The following RBFOX1 variants were observed in gnomAD, a reference collection of about 807,000 sequenced individuals.
RBFOX1 encodes RNA binding fox-1 homolog 1.
RBFOX1 carries 8 observed loss-of-function variants against 57.7 expected under a neutral mutation model. That is an observed-to-expected ratio of 0.14 (90% CI 0.08 to 0.25). The LOEUF (loss-of-function observed/expected upper bound fraction) is 0.25, where lower values mean the gene tolerates loss of function less well. RBFOX1 is among the 10% of genes least tolerant of loss of function. The probability of loss-of-function intolerance (pLI) is 1.00; values close to 1 mark genes in which losing one functional copy is unlikely to be tolerated. For missense variants in RBFOX1, 611 were observed against 548.5 expected, an observed-to-expected ratio of 1.11 and a Z score of -1.14; for synonymous variants, 326 against 222.4, an observed-to-expected ratio of 1.47 and a Z score of -4.15.
At position 6,084,795 on chromosome 16, in the gene RBFOX1, C is replaced by T. The variant is rs536060159; in HGVS notation, c.-127+64803C>T. Among the ~76,000 whole-genome samples, 18 of 152,190 alleles carry T rather than the reference C, an allele frequency of 1.2e-4. No individual in the cohort carries two copies. In the South Asian group the frequency reaches 3.3e-3, roughly 28 times the overall value. On this transcript the variant is annotated intron_variant, in intron 1 of 15. Transcript: ENST00000550418. ...TTGTTCTTATGTTTTGCAGGACAAA[C>T]GTCTTAGAACTCCACAGATGGGGAG... is the stretch of plus-strand genomic sequence containing the variant.
At chr16:7,602,674 G>T (rs1008296846) in intron 9 of RBFOX1, among the ~76,000 whole-genome samples, 5 of 152,070 alleles carry the variant, frequency 3.3e-5, no homozygotes, top group South Asian at 4.1e-4. Context: ...ACATAAGCCC[G>T]CATGAGCTCT....
chr16:5,938,469 A>G (rs1280972815), intron 4 of RBFOX1, among the ~76,000 whole-genome samples: 1 of 152,198 alleles, frequency 6.6e-6, no homozygotes, highest in Non-Finnish European at 1.5e-5. Context: ...CATATTTAAA[A>G]TAAACTCAGT....
At chr16:6,267,432 C>G (rs1464943267) in intron 1 of RBFOX1, among the ~76,000 whole-genome samples, 2 of 152,140 alleles carry the variant, frequency 1.3e-5, no homozygotes, top group Non-Finnish European at 1.5e-5. Flanking sequence ...GGGGTGTCCC[C>G]TTGGCTTCTT....
At chr16:7,686,559 G>A (rs1373749897) in intron 14 of RBFOX1, among the ~76,000 whole-genome samples, 1 of 151,896 alleles carries the variant, frequency 6.6e-6, no homozygotes, top group Non-Finnish European at 1.5e-5. Context: ...CTTTCCTTTA[G>A]GAGTCTACAC....
intron 1 of RBFOX1, among the ~76,000 whole-genome samples, chr16:5,461,101 C>T (rs972071194): frequency 5.9e-5 from 9 of 152,166 alleles, no homozygotes; most frequent in Admixed American, 2.0e-4. Context: ...CTTGGTGTGC[C>T]TTCTATGAGA....
intron 3 of RBFOX1, among the ~76,000 whole-genome samples, chr16:5,841,243 G>A (rs2056615832): frequency 6.6e-6 from 1 of 152,152 alleles, no homozygotes; most frequent in Non-Finnish European, 1.5e-5. Flanking sequence ...AGCATGAGGA[G>A]GTGAATAAAC....
At chr16:5,811,205 C>G (rs545299855) in intron 3 of RBFOX1, among the ~76,000 whole-genome samples, 5 of 126,500 alleles carry the variant, frequency 4.0e-5, no homozygotes, top group Non-Finnish European at 7.7e-5. Flanking sequence ...TGCAATGGTG[C>G]GATCTCGGCT....
intron 3 of RBFOX1, among the ~76,000 whole-genome samples, chr16:6,759,582 C>A (rs999246487): frequency 1.3e-5 from 2 of 150,768 alleles, no homozygotes; most frequent in African/African-American, 4.9e-5. Context: ...ATATGAGTTC[C>A]AGTTCCAGTA....
intron 3 of RBFOX1, among the ~76,000 whole-genome samples, chr16:6,884,184 C>T (rs1175859563): frequency 6.6e-6 from 1 of 152,192 alleles, no homozygotes; most frequent in Admixed American, 6.5e-5. Context: ...CTTCTGCTCA[C>T]AGGGCATGCT....
At chr16:7,106,988 C>A (rs11639724) in intron 4 of RBFOX1, among the ~76,000 whole-genome samples, 3 of 146,966 alleles carry the variant, frequency 2.0e-5, no homozygotes, top group Non-Finnish European at 3.0e-5. Context: ...AGTTAAAACA[C>A]ACACACACAC....
intron 1 of RBFOX1, among the ~76,000 whole-genome samples, chr16:5,465,375 A>C (rs1597176223): frequency 6.6e-6 from 1 of 151,770 alleles, no homozygotes; most frequent in African/African-American, 2.4e-5. Context: ...TAATTTAATC[A>C]CCTCTTTAAA....
intron 5 of RBFOX1, among the ~76,000 whole-genome samples, chr16:7,530,189 G>C (rs2079685536): frequency 6.6e-6 from 1 of 152,090 alleles, no homozygotes. Context: ...CAGGTTCAGA[G>C]ACAGAAAGTG....
chr16:6,342,480 C>T (rs965564454), intron 2 of RBFOX1, among the ~76,000 whole-genome samples: 2 of 152,058 alleles, frequency 1.3e-5, no homozygotes, highest in Admixed American at 1.3e-4. Flanking sequence ...ACAGAAACAA[C>T]CTTGATAAGG....
rs965937000 is a variant in RBFOX1 at position 5,897,121 on chromosome 16, C to T, written c.351+29786C>T. 1.1e-4 allele frequency among the ~76,000 whole-genome samples: 17 copies of T among 148,082 alleles called. No homozygotes were observed. In the East Asian group the frequency reaches 2.7e-3, roughly 23 times the overall value. On this transcript the variant is annotated intron_variant, in intron 4 of 19. Coordinates refer to the RBFOX1 transcript ENST00000641259. ...CGCAATCTCGGCTCACTGCAAGCTCCGCTTCCCGGGTTCAAGCGATTCTCC... is the reference window on the plus strand; with the variant it reads ...CGCAATCTCGGCTCACTGCAAGCTCTGCTTCCCGGGTTCAAGCGATTCTCC...
chr16:6,131,996 C>T lies in RBFOX1; in HGVS notation c.-127+112004C>T, dbSNP rs184492210. Among the ~76,000 whole-genome samples the T allele has an allele frequency of 7.2e-5, 11 of 152,310 alleles. No homozygotes were observed. The East Asian group carries it at 2.1e-3, about 29-fold the overall frequency. On this transcript the variant is annotated intron_variant, in intron 1 of 15. Transcript: ENST00000550418. Reference sequence around the variant, plus strand: ...GCCTTCGTGATGATTTGAGCTTGCTCTTTAATTAGCTTTTAGGAGCATATA... The same window carrying T: ...GCCTTCGTGATGATTTGAGCTTGCTTTTTAATTAGCTTTTAGGAGCATATA...
chr16:5,493,954 G>C (rs1461411261), intron 2 of RBFOX1, among the ~76,000 whole-genome samples: 1 of 152,146 alleles, frequency 6.6e-6, no homozygotes, highest in African/African-American at 2.4e-5. Flanking sequence ...AAAAGAAAAA[G>C]GATAGAAAAT....
chr16:5,676,178 A>G (rs548501746), intron 3 of RBFOX1, among the ~76,000 whole-genome samples: 2 of 152,218 alleles, frequency 1.3e-5, no homozygotes, highest in East Asian at 3.9e-4. Flanking sequence ...TGATAGGTGT[A>G]GCAAACCACC....
chr16:5,815,996 C>G (rs1302204087), intron 3 of RBFOX1, among the ~76,000 whole-genome samples: 1 of 152,162 alleles, frequency 6.6e-6, no homozygotes, highest in African/African-American at 2.4e-5. Flanking sequence ...GGTATACAAC[C>G]CTTGGGATTT....
At chr16:5,991,645 G>GTTTTTTTTTTTTTTTTTTT (rs60004233) in intron 4 of RBFOX1, among the ~76,000 whole-genome samples, 1 of 123,934 alleles carries the variant, frequency 8.1e-6, no homozygotes, top group Non-Finnish European at 1.8e-5. Context: ...TTATTAGATA[G>GTTTTTTTTTTTTTTTTTTT]TTTTTTTTTT....
Sources: allele counts gnomAD v4.1 joint callset (sites outside exome capture counted in the v4.1 genomes callset), GRCh38; gene constraint gnomAD v4.1.1; transcripts MANE v1.5; gene names NCBI Gene and HGNC (gene_info 2026-07-23, HGNC 2026-07-21).